BMPR1B: variants seen among roughly 807,000 people sequenced by gnomAD.
BMPR1B encodes bone morphogenetic protein receptor type-1B.
In BMPR1B, 12 loss-of-function variants were observed where a neutral mutation model predicts 59.1. The ratio of observed to expected loss-of-function variants is 0.20; its 90% confidence interval spans 0.13 to 0.33. The LOEUF (loss-of-function observed/expected upper bound fraction) is 0.33, where lower values mean the gene tolerates loss of function less well. Among genes scored for constraint, BMPR1B ranks in the 10% least tolerant of loss-of-function variants. The pLI, the probability that BMPR1B is intolerant of heterozygous loss-of-function variation, is 1.00. For missense variants in BMPR1B, 550 were observed against 610.9 expected (o/e 0.90, Z 1.05); for synonymous variants, 237 against 207.3 (o/e 1.14, Z -1.23).
chr4:94,779,993 G>A (rs1268524030), intron 1 of BMPR1B, among the ~76,000 whole-genome samples: 2 of 151,840 alleles, frequency 1.3e-5, no homozygotes, highest in Admixed American at 1.3e-4. Flanking sequence ...ACATTTGTTG[G>A]GTTACATTTG....
intron 2 of BMPR1B, among the ~76,000 whole-genome samples, chr4:94,906,346 C>T (rs1728040291): frequency 6.6e-6 from 1 of 152,106 alleles, no homozygotes; most frequent in African/African-American, 2.4e-5. Context: ...TTTGTTATGT[C>T]AAAAGCGCAG....
At chr4:95,070,866 AG>A (rs1226896903) in intron 3 of BMPR1B, among the ~76,000 whole-genome samples, 1 of 152,218 alleles carries the variant, frequency 6.6e-6, no homozygotes, top group Non-Finnish European at 1.5e-5. Flanking sequence ...GAGTATCTCT[AG>A]AGTACAAGGA....
At chr4:95,075,381 G>A (rs908946885) in intron 3 of BMPR1B, among the ~76,000 whole-genome samples, 2 of 152,058 alleles carry the variant, frequency 1.3e-5, no homozygotes, top group African/African-American at 2.4e-5. Flanking sequence ...TTGTTGGTCT[G>A]TTTTTTAGAT....
At chr4:94,806,251 T>C (rs886232046) in intron 1 of BMPR1B, among the ~76,000 whole-genome samples, 1 of 152,164 alleles carries the variant, frequency 6.6e-6, no homozygotes, top group Non-Finnish European at 1.5e-5. Context: ...GAATTCAGTT[T>C]TGACAGTAAG....
Position 94,767,367 on chromosome 4 carries a change from AATTAAT to A in BMPR1B, c.-183+9303_-183+9308del, listed in dbSNP as rs199806769. 9.3e-3 allele frequency among the ~76,000 whole-genome samples: 1,416 copies of A among 152,294 alleles called. 16 individuals carry two copies. The highest frequency in any genetic ancestry group is 0.032 in the African/African-American group (1,318 of 41,560). On this transcript the variant is annotated intron_variant, in intron 1 of 12. Transcript: ENST00000515059. ...ATCTTGTCTTATAATTTTGAGTAGG[AATTAAT>A]ATTGAATTTATATGACAGGACATAA... is the stretch of plus-strand genomic sequence containing the variant.
At chr4:94,946,893 A>T (rs7689838) in intron 2 of BMPR1B, among the ~76,000 whole-genome samples, 6,550 of 152,114 alleles carry the variant, frequency 0.043, 352 homozygotes, top group African/African-American at 0.12. Context: ...TCTACCAAAA[A>T]TACAAAAAAT....
intron 3 of BMPR1B, among the ~76,000 whole-genome samples, chr4:95,001,730 T>C (rs957960918): frequency 8.5e-5 from 13 of 152,194 alleles, no homozygotes; most frequent in African/African-American, 3.1e-4. Flanking sequence ...AATTGGCTTT[T>C]CCATGTTATA....
intron 2 of BMPR1B, among the ~76,000 whole-genome samples, chr4:94,969,880 T>G (rs536349010): frequency 3.0e-4 from 46 of 152,302 alleles, no homozygotes; most frequent in Admixed American, 2.9e-3. Context: ...AATTATATCT[T>G]TAAGTTTAAA....
chr4:94,826,330 TGTA>T (rs896520943), intron 1 of BMPR1B, among the ~76,000 whole-genome samples: 2 of 152,136 alleles, frequency 1.3e-5, no homozygotes, highest in Non-Finnish European at 2.9e-5. Context: ...CTCTGTCAAA[TGTA>T]GTCATTTGCA....
chr4:94,784,315 C>T (rs1163249400), intron 1 of BMPR1B, among the ~76,000 whole-genome samples: 1 of 151,984 alleles, frequency 6.6e-6, no homozygotes, highest in Non-Finnish European at 1.5e-5. Flanking sequence ...AGTAATTTTT[C>T]TGTTTTTTGG....
intron 1 of BMPR1B, among the ~76,000 whole-genome samples, chr4:94,849,159 C>T (rs751078890): frequency 6.6e-6 from 1 of 152,000 alleles, no homozygotes; most frequent in Non-Finnish European, 1.5e-5. Context: ...CCAGAGCACT[C>T]CAAGGTTTGG....
At chr4:95,091,089 A>G (rs1488282841) in intron 3 of BMPR1B, among the ~76,000 whole-genome samples, 4 of 152,090 alleles carry the variant, frequency 2.6e-5, no homozygotes, top group Admixed American at 6.6e-5. Context: ...AGCATTCTGA[A>G]TGTCAAAGGA....
chr4:94,846,203 A>G (rs1217200016), intron 1 of BMPR1B, among the ~76,000 whole-genome samples: 1 of 152,206 alleles, frequency 6.6e-6, no homozygotes, highest in Admixed American at 6.5e-5. Flanking sequence ...CCAAGAACAC[A>G]CATTGGGGAA....
intron 2 of BMPR1B, among the ~76,000 whole-genome samples, chr4:94,931,006 G>T (rs1394923101): frequency 1.3e-5 from 2 of 151,972 alleles, no homozygotes; most frequent in African/African-American, 4.8e-5. Context: ...CATCTCTTTG[G>T]CTGGCTAAGT....
chr4:95,004,858 T>G (rs750966265), intron 3 of BMPR1B, among the ~76,000 whole-genome samples: 1 of 152,218 alleles, frequency 6.6e-6, no homozygotes, highest in Non-Finnish European at 1.5e-5. Context: ...TCGCAGTTCT[T>G]TGAATGTGTA....
chr4:94,858,005 G>C (rs551312071), intron 1 of BMPR1B, among the ~76,000 whole-genome samples: 2 of 152,212 alleles, frequency 1.3e-5, no homozygotes, highest in African/African-American at 4.8e-5. Flanking sequence ...GAGTGCAGTG[G>C]CGCAATCTTG....
intron 3 of BMPR1B, among the ~76,000 whole-genome samples, chr4:95,059,970 G>A (rs995715426): frequency 6.6e-6 from 1 of 152,168 alleles, no homozygotes; most frequent in Non-Finnish European, 1.5e-5. Flanking sequence ...TTATGCAGAT[G>A]TTCATTGAGC....
chr4:94,965,878 A>G (rs1010211086), intron 2 of BMPR1B, among the ~76,000 whole-genome samples: 2 of 152,162 alleles, frequency 1.3e-5, no homozygotes, highest in African/African-American at 4.8e-5. Context: ...AAGCAACAAC[A>G]CTGTGTTCCA....
chr4:95,041,235 G>A (rs1041992701), intron 3 of BMPR1B, among the ~76,000 whole-genome samples: 6 of 152,028 alleles, frequency 3.9e-5, no homozygotes, highest in African/African-American at 9.7e-5. Flanking sequence ...TTTTAGTAGC[G>A]ATAAGGTCTT....
Sources: gnomAD v4.1 joint callset for allele counts (sites outside exome capture counted in the v4.1 genomes callset) on GRCh38, gnomAD v4.1.1 for gene constraint, MANE v1.5 for transcripts, NCBI Gene and HGNC (gene_info 2026-07-23, HGNC 2026-07-21) for gene names.